KCNJ3: variants seen among roughly 807,000 people sequenced by gnomAD.
KCNJ3 encodes potassium inwardly rectifying channel subfamily J member 3.
In KCNJ3, 4 loss-of-function variants were observed where a neutral mutation model predicts 39.2. The ratio of observed to expected loss-of-function variants is 0.10; its 90% CI spans 0.05 to 0.23. The LOEUF (loss-of-function observed/expected upper bound fraction) is 0.23. Among genes scored for constraint, KCNJ3 ranks in the 10% least tolerant of loss-of-function variants. KCNJ3 has a pLI of 1.00. For missense variants in KCNJ3, 276 were observed against 634.9 expected (o/e 0.43, Z 6.08); for synonymous variants, 230 against 237.4 (o/e 0.97, Z 0.29).
chr2:154,829,333 A>G (rs1485098758), intron 2 of KCNJ3, among the ~76,000 whole-genome samples: 1 of 151,976 alleles, frequency 6.6e-6, no homozygotes, highest in African/African-American at 2.4e-5. Context: ...CTTTATTTTC[A>G]TATGTACTCA....
At chr2:154,756,486 G>A (rs1685938356) in intron 2 of KCNJ3, among the ~76,000 whole-genome samples, 1 of 151,976 alleles carries the variant, frequency 6.6e-6, no homozygotes, top group Non-Finnish European at 1.5e-5. Context: ...AAAGTGTTGT[G>A]TCCTAATGTT....
chr2:154,715,166 C>T (rs921943707), intron 2 of KCNJ3, among the ~76,000 whole-genome samples: 1 of 152,200 alleles, frequency 6.6e-6, no homozygotes, highest in African/African-American at 2.4e-5. Context: ...GCCCACATCA[C>T]GGTACTTCTA....
rs189082235 is a variant in KCNJ3, at chr2:154,727,347, A to C, written c.919+17528A>C. 3.9e-5 allele frequency among the ~76,000 whole-genome samples: 6 copies of C among 151,976 alleles called. No individual in the cohort carries two copies. In the South Asian group the frequency reaches 1.0e-3, roughly 26 times the overall value. ...ACGCCTGTAATCCCAGCACTTTGGG[A>C]GGCTGAGATGGGCGGATCACCTGAG... On this transcript the variant is annotated intron_variant, in intron 2 of 2. Transcript: ENST00000295101.
intron 2 of KCNJ3, among the ~76,000 whole-genome samples, chr2:154,802,852 A>G (rs1372389514): frequency 6.6e-6 from 1 of 152,118 alleles, no homozygotes; most frequent in Non-Finnish European, 1.5e-5. Context: ...TTTAAAATGA[A>G]CTACACATTT....
chr2:154,848,379 A>G (rs1266005087), intron 2 of KCNJ3, among the ~76,000 whole-genome samples: 1 of 152,118 alleles, frequency 6.6e-6, no homozygotes, highest in Admixed American at 6.6e-5. Flanking sequence ...TATAAAACCT[A>G]TATAGCACAC....
intron 2 of KCNJ3, among the ~76,000 whole-genome samples, chr2:154,833,313 C>G (rs1687393310): frequency 6.6e-6 from 1 of 152,214 alleles, no homozygotes; most frequent in South Asian, 2.1e-4. Context: ...TATGTAACCT[C>G]TCTTAAGTAC....
intron 2 of KCNJ3, among the ~76,000 whole-genome samples, chr2:154,714,885 G>A (rs751841734): frequency 6.6e-6 from 1 of 152,118 alleles, no homozygotes; most frequent in Non-Finnish European, 1.5e-5. Flanking sequence ...ATAATGAAGT[G>A]CATCATATAT....
At chr2:154,832,805 T>C (rs1241308757) in intron 2 of KCNJ3, among the ~76,000 whole-genome samples, 1 of 152,210 alleles carries the variant, frequency 6.6e-6, no homozygotes, top group Non-Finnish European at 1.5e-5. Flanking sequence ...GCTTCTGAAA[T>C]TGGCTTATAA....
rs1553455093 is a variant in KCNJ3, at chr2:154,726,835, A to ACC, written c.919+17016_919+17017insCC. ...CACACACACACACACACACACACAC[A>ACC]TACACCATGGAATACTACTCAGCCA... is the stretch of plus-strand genomic sequence containing the variant. On this transcript the variant is annotated intron_variant, in intron 2 of 2. Coordinates refer to ENST00000295101, the MANE Select transcript of KCNJ3 (RefSeq NM_002239.4). 9.2e-3 allele frequency among the ~76,000 whole-genome samples: 907 copies of ACC among 98,236 alleles called. 9 individuals carry two copies. The highest frequency in any genetic ancestry group is 0.016 in the African/African-American group (583 of 35,800). 64.4% of individuals were successfully genotyped at this position (98,236 alleles called of 152,430 possible). A position where few individuals can be genotyped will look rare whatever the true frequency, so the allele number is the denominator to read the frequency against.
At position 154,699,236 on chromosome 2, in the gene KCNJ3, A is replaced by G. The variant is rs1470912290; in HGVS notation, c.461A>G (p.Lys154Arg). 6.2e-7 allele frequency: 1 copy of G among 1,614,060 alleles called. No homozygotes were observed. Among genetic ancestry groups the G allele is most frequent in the Non-Finnish European group, 8.5e-7 (1 of 1,180,034 alleles). ...IGYGYRYITD[K>R]CPEGIILFLF... ...TATGGCTACCGATACATCACAGACAAGTGCCCCGAGGGCATCATCCTCTTC... is the reference window on the plus strand; with the variant it reads ...TATGGCTACCGATACATCACAGACAGGTGCCCCGAGGGCATCATCCTCTTC... Residue 154 changes from lysine to arginine, a missense_variant, in exon 1 of 3, where the codon AAG (lysine) becomes AGG (arginine). Coordinates refer to ENST00000295101, the MANE Select transcript of KCNJ3 (RefSeq NM_002239.4). The surrounding 1 kb of genome is among the most constrained non-coding windows in gnomAD (Gnocchi z 6.4).
intron 2 of KCNJ3, among the ~76,000 whole-genome samples, chr2:154,790,022 T>C (rs1167631301): frequency 1.3e-5 from 2 of 152,094 alleles, no homozygotes; most frequent in Non-Finnish European, 2.9e-5. Flanking sequence ...GGCAGTTTCA[T>C]TCCCTATAGG....
intron 1 of KCNJ3, among the ~76,000 whole-genome samples, chr2:154,707,850 C>T (rs1047959724): frequency 7.9e-5 from 12 of 151,976 alleles, no homozygotes; most frequent in African/African-American, 1.2e-4. Flanking sequence ...GTTTTGTGTC[C>T]GGCATTTATT....
chr2:154,847,688 T>C (rs1687683693), intron 2 of KCNJ3, among the ~76,000 whole-genome samples: 1 of 152,226 alleles, frequency 6.6e-6, no homozygotes, highest in Non-Finnish European at 1.5e-5. Flanking sequence ...TTATTGTGCA[T>C]GTAGTTTACA....
At chr2:154,713,336 C>T (rs1346399511) in intron 2 of KCNJ3, among the ~76,000 whole-genome samples, 2 of 152,064 alleles carry the variant, frequency 1.3e-5, no homozygotes, top group Non-Finnish European at 2.9e-5. Flanking sequence ...AGACAGCTAC[C>T]ACTTTTGTAT....
At chr2:154,841,627 C>G (rs1687578619) in intron 2 of KCNJ3, among the ~76,000 whole-genome samples, 1 of 152,098 alleles carries the variant, frequency 6.6e-6, no homozygotes, top group African/African-American at 2.4e-5. Flanking sequence ...TTGGTCTATT[C>G]AGAGATTCAA....
At chr2:154,798,188 GCACACACACACA>G (rs57495585) in intron 2 of KCNJ3, among the ~76,000 whole-genome samples, 1 of 114,760 alleles carries the variant, frequency 8.7e-6, no homozygotes, top group East Asian at 2.4e-4. Flanking sequence ...TTCGAACACC[GCACACACACACA>G]CACACACACA....
intron 2 of KCNJ3, among the ~76,000 whole-genome samples, chr2:154,710,026 ACT>A (rs1489091489): frequency 6.6e-6 from 1 of 152,210 alleles, no homozygotes; most frequent in Non-Finnish European, 1.5e-5. Flanking sequence ...GATAATATTA[ACT>A]CTGGAACACT....
Position 154,849,339 on chromosome 2 carries a change from T to C in KCNJ3, c.920-5388T>C, listed in dbSNP as rs1687716275. Reference sequence around the variant, plus strand: ...CTGTTTTTTGTTTTGTTTTGTTTTGTTTTGTGTTTTTGCTTTTGTTTGATG... The same window carrying C: ...CTGTTTTTTGTTTTGTTTTGTTTTGCTTTGTGTTTTTGCTTTTGTTTGATG... On this transcript the variant is annotated intron_variant, in intron 2 of 2. Transcript: ENST00000295101. 2.0e-5 allele frequency among the ~76,000 whole-genome samples: 3 copies of C among 152,154 alleles called. 1 individual carries two copies. In the South Asian group the frequency reaches 6.2e-4, roughly 32 times the overall value.
chr2:154,760,551 C>CTT (rs2105188424), intron 2 of KCNJ3, among the ~76,000 whole-genome samples: 1 of 151,688 alleles, frequency 6.6e-6, no homozygotes, highest in South Asian at 2.1e-4. Context: ...TCACTTCTCT[C>CTT]TTTCTCTCTC....
Sources: allele counts gnomAD v4.1 joint callset (sites outside exome capture counted in the v4.1 genomes callset), GRCh38; gene constraint gnomAD v4.1.1; non-coding constraint Gnocchi (gnomAD v3.1); transcripts MANE v1.5; gene names NCBI Gene and HGNC (gene_info 2026-07-23, HGNC 2026-07-21).